Variants in ITGA9 observed in about 807,000 individuals in gnomAD.
The protein encoded by ITGA9 is integrin alpha-9.
In ITGA9, 56 loss-of-function variants were observed where a neutral mutation model predicts 127.8. The observed-to-expected ratio is 0.44, with a 90% CI of 0.35 to 0.55. The LOEUF (loss-of-function observed/expected upper bound fraction) is 0.55, where lower values mean the gene tolerates loss of function less well. Ranked by LOEUF, ITGA9 falls within the 20% of genes least tolerant of loss-of-function variation. ITGA9 has a pLI of 0.00. For missense variants in ITGA9, 1,196 were observed against 1,347.1 expected, an observed-to-expected ratio of 0.89 and a Z score of 1.76; for synonymous variants, 508 against 514.5, an observed-to-expected ratio of 0.99 and a Z score of 0.17.
intron 4 of ITGA9, among the ~76,000 whole-genome samples, chr3:37,494,013 T>G (rs1413230543): frequency 1.3e-5 from 2 of 152,180 alleles, no homozygotes; most frequent in African/African-American, 4.8e-5. Flanking sequence ...CAGTCCCTTC[T>G]TCTTGCGGTC....
intron 27 of ITGA9, among the ~76,000 whole-genome samples, chr3:37,804,581 T>A (rs1697271589): frequency 6.6e-6 from 1 of 152,188 alleles, no homozygotes; most frequent in East Asian, 1.9e-4. Flanking sequence ...GCCTCTCTAT[T>A]CATCAGTAAT....
intron 16 of ITGA9, among the ~76,000 whole-genome samples, chr3:37,630,297 T>C (rs1229775501): frequency 6.6e-6 from 1 of 152,180 alleles, no homozygotes; most frequent in Non-Finnish European, 1.5e-5. Flanking sequence ...TCCCAAAGCC[T>C]CTTTCCCATC....
chr3:37,609,530 A>G (rs527934741), intron 15 of ITGA9, among the ~76,000 whole-genome samples: 1 of 152,220 alleles, frequency 6.6e-6, no homozygotes, highest in Admixed American at 6.5e-5. Flanking sequence ...AAGGAATGAC[A>G]TGGTCCCCAC....
At chr3:37,700,646 G>A (rs6762227) in intron 18 of ITGA9, among the ~76,000 whole-genome samples, 36,291 of 152,046 alleles carry the variant, frequency 0.24, 6,511 homozygotes, top group African/African-American at 0.5. Flanking sequence ...CACCACACCC[G>A]GCCTGGAATG....
intron 17 of ITGA9, among the ~76,000 whole-genome samples, chr3:37,663,396 A>C (rs1286139123): frequency 6.6e-6 from 1 of 152,234 alleles, no homozygotes; most frequent in Non-Finnish European, 1.5e-5. Flanking sequence ...GGAAAGACAC[A>C]GCAGGATATC....
intron 18 of ITGA9, among the ~76,000 whole-genome samples, chr3:37,698,836 A>G (rs757601424): frequency 6.6e-6 from 1 of 152,180 alleles, no homozygotes; most frequent in Non-Finnish European, 1.5e-5. Context: ...TTGTATATTC[A>G]GTATTGTCAG....
Position 37,517,536 on chromosome 3 carries a change from G to T in ITGA9, c.1068G>T (p.Gly356=). The T allele has an allele frequency of 6.3e-7, 1 of 1,599,220 alleles. No individual in the cohort carries two copies. Among genetic ancestry groups the T allele is most frequent in the Non-Finnish European group, 8.5e-7 (1 of 1,172,810 alleles). Residue 356 remains glycine, a synonymous_variant, in exon 10 of 28, where the codon GGG becomes GGT. Coordinates refer to ENST00000264741, the MANE Select transcript of ITGA9 (RefSeq NM_002207.3). ...GALEEQLALT[G]DGAYNAHFGE... is the part of the protein sequence containing the mutation. ...TCGAGGAGCAGCTGGCTCTGACTGG[G>T]GATGGTGCCTACAATGCGCACTTTG...
intron 4 of ITGA9, 44 bp downstream of exon 4, chr3:37,481,651 G>A: frequency 6.2e-7 from 1 of 1,613,134 alleles, no homozygotes; most frequent in Non-Finnish European, 8.5e-7. Flanking sequence ...CCCACCTCAT[G>A]CCCTAAGCCC....
At chr3:37,726,557 C>A (rs1696205721) in intron 18 of ITGA9, among the ~76,000 whole-genome samples, 1 of 152,234 alleles carries the variant, frequency 6.6e-6, no homozygotes. Flanking sequence ...TTCTTCCAAC[C>A]ACTGCACGTT....
chr3:37,456,605 C>T (rs1188774568), intron 1 of ITGA9, among the ~76,000 whole-genome samples: 5 of 152,196 alleles, frequency 3.3e-5, no homozygotes, highest in African/African-American at 4.8e-5. Context: ...TTTCTGGAGA[C>T]GTGCTTCCTG....
chr3:37,786,024 G>A (rs1697037266), intron 26 of ITGA9, among the ~76,000 whole-genome samples: 1 of 151,552 alleles, frequency 6.6e-6, no homozygotes, highest in African/African-American at 2.4e-5. Flanking sequence ...GGGGTTGAGG[G>A]GGGTTGAGGG....
chr3:37,782,682 CT>C (rs1696990177), intron 25 of ITGA9, among the ~76,000 whole-genome samples: 1 of 152,222 alleles, frequency 6.6e-6, no homozygotes, highest in South Asian at 2.1e-4. Flanking sequence ...GGCTCCAGGC[CT>C]CCCGAAGGAT....
At chr3:37,519,975 G>C (rs1459440929) in intron 11 of ITGA9, among the ~76,000 whole-genome samples, 1 of 152,222 alleles carries the variant, frequency 6.6e-6, no homozygotes, top group Non-Finnish European at 1.5e-5. Flanking sequence ...CCTGTGGAGT[G>C]GCACTGGCTC....
At chr3:37,532,987 A>T (rs986609017) in intron 13 of ITGA9, among the ~76,000 whole-genome samples, 1 of 152,190 alleles carries the variant, frequency 6.6e-6, no homozygotes, top group African/African-American at 2.4e-5. Context: ...CCCTAATAAA[A>T]TGGAAATTGG....
intron 26 of ITGA9, chr3:37,789,791 AAAAG>A: frequency 4.0e-6 from 1 of 251,660 alleles, no homozygotes; most frequent in East Asian, 1.4e-4. Context: ...AAAAAAAAAA[AAAAG>A]ACTATGCTCT....
chr3:37,795,330 G>A (rs757060696), intron 26 of ITGA9, among the ~76,000 whole-genome samples: 2 of 152,172 alleles, frequency 1.3e-5, no homozygotes, highest in Non-Finnish European at 2.9e-5. Flanking sequence ...TGGAGACATG[G>A]GCATTGCCAG....
At chr3:37,477,619 G>A (rs1417584030) in intron 3 of ITGA9, among the ~76,000 whole-genome samples, 1 of 152,162 alleles carries the variant, frequency 6.6e-6, no homozygotes, top group Non-Finnish European at 1.5e-5. Flanking sequence ...CTCATCCTGA[G>A]CTTCCTGTGT....
At chr3:37,494,628 A>C (rs1166935207) in intron 5 of ITGA9, 60 bp downstream of exon 5, 2 of 1,453,676 alleles carry the variant, frequency 1.4e-6, no homozygotes, top group African/African-American at 2.8e-5. Flanking sequence ...CCTTGCTTAT[A>C]TGATTTTGGC....
intron 15 of ITGA9, among the ~76,000 whole-genome samples, chr3:37,546,921 T>C (rs778264366): frequency 1.3e-5 from 2 of 152,234 alleles, no homozygotes; most frequent in Non-Finnish European, 2.9e-5. Context: ...TCCTGTACAA[T>C]ACCTTGAGAG....
Sources: allele counts gnomAD v4.1 joint callset (sites outside exome capture counted in the v4.1 genomes callset), GRCh38; gene constraint gnomAD v4.1.1; transcripts MANE v1.5; gene names NCBI Gene and HGNC (gene_info 2026-07-23, HGNC 2026-07-21).